TUSC3: variants seen among roughly 807,000 people sequenced by gnomAD.
TUSC3 encodes tumor suppressor candidate 3.
A neutral mutation model predicts 44.8 loss-of-function variants in TUSC3; 45 were observed. That is an observed-to-expected ratio of 1.00 (90% CI 0.79 to 1.29). The LOEUF is 1.29. Ranked by LOEUF, TUSC3 falls within the 50% of genes most tolerant of loss-of-function variation. TUSC3 has a pLI of 0.00. For missense variants in TUSC3, 519 were observed against 437.9 expected, an observed-to-expected ratio of 1.19 and a Z score of -1.65; for synonymous variants, 212 against 152.9, an observed-to-expected ratio of 1.39 and a Z score of -2.85.
At chr8:15,718,857 T>G (rs1394818593) in intron 6 of TUSC3, among the ~76,000 whole-genome samples, 1 of 152,088 alleles carries the variant, frequency 6.6e-6, no homozygotes, top group Non-Finnish European at 1.5e-5. Context: ...ATCCTATCAG[T>G]TTTAATGTTG....
At chr8:15,723,730 C>T (rs1301170928) in intron 6 of TUSC3, among the ~76,000 whole-genome samples, 3 of 152,054 alleles carry the variant, frequency 2.0e-5, no homozygotes, top group African/African-American at 4.8e-5. Context: ...TTATTTTGTG[C>T]AATGACAGTG....
intron 6 of TUSC3, among the ~76,000 whole-genome samples, chr8:15,714,306 G>A (rs1305705205): frequency 1.3e-5 from 2 of 152,064 alleles, no homozygotes; most frequent in African/African-American, 2.4e-5. Flanking sequence ...TATATATGTT[G>A]TTTTTAAATT....
intron 2 of TUSC3, among the ~76,000 whole-genome samples, chr8:15,503,650 G>C (rs563361161): frequency 2.0e-5 from 3 of 152,088 alleles, no homozygotes; most frequent in African/African-American, 7.2e-5. Flanking sequence ...GTTGCAGTAA[G>C]CTACGTTCGT....
intron 7 of TUSC3, among the ~76,000 whole-genome samples, chr8:15,734,510 G>A (rs968448632): frequency 6.6e-6 from 1 of 151,908 alleles, no homozygotes; most frequent in South Asian, 2.1e-4. Flanking sequence ...CTTACATAGG[G>A]CTTTATATTT....
intron 1 of TUSC3, among the ~76,000 whole-genome samples, chr8:15,584,157 T>G (rs1803498507): frequency 6.6e-6 from 1 of 152,246 alleles, no homozygotes; most frequent in South Asian, 2.1e-4. Flanking sequence ...TTAAGATTCT[T>G]AATTGTCAAC....
intron 1 of TUSC3, among the ~76,000 whole-genome samples, chr8:15,440,259 A>G (rs1303037640): frequency 6.6e-6 from 1 of 152,166 alleles, no homozygotes; most frequent in Non-Finnish European, 1.5e-5. Context: ...GAAACAACAC[A>G]TGCAAAGTCC....
intron 1 of TUSC3, among the ~76,000 whole-genome samples, chr8:15,587,034 C>T (rs1803631269): frequency 6.6e-6 from 1 of 152,100 alleles, no homozygotes; most frequent in Non-Finnish European, 1.5e-5. Context: ...ATGTTAATAG[C>T]CAGTTTTTCT....
intron 1 of TUSC3, among the ~76,000 whole-genome samples, chr8:15,564,920 C>A (rs17611979): frequency 6.6e-6 from 1 of 152,106 alleles, no homozygotes; most frequent in African/African-American, 2.4e-5. Context: ...GGCCACTGTT[C>A]TTTACAGAGA....
intron 6 of TUSC3, among the ~76,000 whole-genome samples, chr8:15,689,831 T>C (rs1056467502): frequency 3.8e-5 from 2 of 52,584 alleles, no homozygotes; most frequent in Non-Finnish European, 7.2e-5. Flanking sequence ...GGTGTGTGTG[T>C]GTGTGTGTGT....
At chr8:15,594,074 C>G (rs190263294) in intron 1 of TUSC3, among the ~76,000 whole-genome samples, 75 of 152,316 alleles carry the variant, frequency 4.9e-4, no homozygotes, top group Non-Finnish European at 8.1e-4. Flanking sequence ...TACCCTTTCT[C>G]CCAGACTTGT....
At chr8:15,812,782 G>A in the TUSC3 span, among the ~76,000 whole-genome samples, 2 of 152,062 alleles carry the variant, frequency 1.3e-5, no homozygotes, top group South Asian at 4.2e-4. Context: ...CATATACCAT[G>A]ATTTTATATC....
chr8:15,800,359 G>A, the TUSC3 span, among the ~76,000 whole-genome samples: 1 of 152,104 alleles, frequency 6.6e-6, no homozygotes, highest in Admixed American at 6.6e-5. Context: ...GATTGCTTGA[G>A]TCCAGGAGTT....
At chr8:15,732,267 T>C (rs968376192) in intron 7 of TUSC3, among the ~76,000 whole-genome samples, 1 of 152,134 alleles carries the variant, frequency 6.6e-6, no homozygotes, top group African/African-American at 2.4e-5. Context: ...ATGGGAGGGA[T>C]CCAGTGGGAG....
intron 1 of TUSC3, among the ~76,000 whole-genome samples, chr8:15,566,898 A>G (rs963163506): frequency 3.3e-5 from 5 of 152,044 alleles, no homozygotes; most frequent in Non-Finnish European, 7.4e-5. Flanking sequence ...CTCCCAAACC[A>G]TTGGGATTGT....
the TUSC3 span, among the ~76,000 whole-genome samples, chr8:15,823,416 T>C: frequency 6.6e-6 from 1 of 152,208 alleles, no homozygotes; most frequent in Non-Finnish European, 1.5e-5. Context: ...TCTATGACTT[T>C]ACATTAAGAT....
the TUSC3 span, among the ~76,000 whole-genome samples, chr8:15,772,094 G>GA: frequency 2.5e-4 from 37 of 149,210 alleles, no homozygotes; most frequent in Non-Finnish European, 4.0e-4. Context: ...GTCTCAAAAA[G>GA]AAAAAAAAGA....
chr8:15,453,710 G>C (rs893236285), intron 1 of TUSC3, among the ~76,000 whole-genome samples: 1 of 152,172 alleles, frequency 6.6e-6, no homozygotes, highest in Non-Finnish European at 1.5e-5. Context: ...TAATTACACA[G>C]AGAATTATTC....
intron 6 of TUSC3, among the ~76,000 whole-genome samples, chr8:15,692,812 C>T (rs1808977663): frequency 6.6e-6 from 1 of 152,018 alleles, no homozygotes; most frequent in Non-Finnish European, 1.5e-5. Flanking sequence ...TTATGTCAGT[C>T]TCTTCATAGG....
chr8:15,507,675 C>A (rs1039778705), intron 2 of TUSC3, among the ~76,000 whole-genome samples: 1 of 151,746 alleles, frequency 6.6e-6, no homozygotes, highest in Admixed American at 6.6e-5. Flanking sequence ...ATACAAAATA[C>A]AAAAATATGT....
Sources: gnomAD v4.1 joint callset for allele counts (sites outside exome capture counted in the v4.1 genomes callset) on GRCh38, gnomAD v4.1.1 for gene constraint, MANE v1.5 for transcripts, NCBI Gene and HGNC (gene_info 2026-07-23, HGNC 2026-07-21) for gene names.